Variants in DHX9 observed in about 807,000 individuals in gnomAD.
The protein encoded by DHX9 is DExH-box helicase 9.
DHX9 carries 27 observed loss-of-function variants against 148.7 expected under a neutral mutation model. The observed-to-expected ratio is 0.18, with a 90% confidence interval of 0.13 to 0.25. The LOEUF is 0.25. Among genes scored for constraint, DHX9 ranks in the 10% least tolerant of loss-of-function variants. The probability of loss-of-function intolerance (pLI) is 1.00; values close to 1 mark genes in which losing one functional copy is unlikely to be tolerated. For synonymous variants in DHX9, 529 were observed against 516.6 expected, an observed-to-expected ratio of 1.02 and a Z score of -0.33; for missense variants, 796 against 1,559.6, an observed-to-expected ratio of 0.51 and a Z score of 8.25.
chr1:182,869,351 C>T (rs1194730325), intron 14 of DHX9, among the ~76,000 whole-genome samples: 1 of 152,048 alleles, frequency 6.6e-6, no homozygotes, highest in Non-Finnish European at 1.5e-5. Flanking sequence ...CTTGTCCAGT[C>T]CTGTCTGGTC....
chr1:182,861,887 G>C (rs1027324869), intron 12 of DHX9, among the ~76,000 whole-genome samples: 2 of 152,082 alleles, frequency 1.3e-5, no homozygotes, highest in Non-Finnish European at 2.9e-5. Context: ...TTGTGTCCTA[G>C]TATGTACTTA....
Position 182,854,014 on chromosome 1 carries a change from A to G in DHX9, c.478-16A>G, listed in dbSNP as rs781090885. ...AAACTTAACACAGCCAAATTTAATTATCATTGATTCTACAGACTCTAGAAT... is the reference window on the plus strand; with the variant it reads ...AAACTTAACACAGCCAAATTTAATTGTCATTGATTCTACAGACTCTAGAAT... On this transcript the variant is annotated splice_polypyrimidine_tract_variant and intron_variant, in intron 5 of 27. Transcript: ENST00000367549. The G allele has an allele frequency of 5.0e-6, 8 of 1,605,288 alleles. No individual in the cohort carries two copies. Among genetic ancestry groups the G allele is most frequent in the Non-Finnish European group, 6.8e-6 (8 of 1,177,940 alleles).
At position 182,849,982 on chromosome 1, in the gene DHX9, A is replaced by ACCC. The variant is rs11465005; in HGVS notation, c.253-2243_253-2241dup. Among the ~76,000 whole-genome samples the ACCC allele has an allele frequency of 3.9e-3, 481 of 123,884 alleles. 10 individuals are homozygous for ACCC. Among genetic ancestry groups the ACCC allele is most frequent in the African/African-American group, 0.014 (402 of 29,518 alleles). 81.3% of individuals were successfully genotyped at this position (123,884 alleles called of 152,430 possible). ...GGTTCATTGTAAAGTGTACACACGT[A>ACCC]CCCCCCCCCCTTTTTTTTTTAATTT... is the stretch of plus-strand genomic sequence containing the variant. On this transcript the variant is annotated intron_variant, in intron 3 of 27. Transcript: ENST00000367549.
At chr1:182,840,951 A>C (rs577659643) in intron 1 of DHX9, among the ~76,000 whole-genome samples, 1 of 152,146 alleles carries the variant, frequency 6.6e-6, no homozygotes, top group Admixed American at 6.5e-5. Flanking sequence ...TTAGCATGCA[A>C]ATGGGTGAGT....
chr1:182,858,566 G>C lies in DHX9; in HGVS notation c.826G>C (p.Val276Leu). The C allele has an allele frequency of 6.2e-7, 1 of 1,610,188 alleles. No homozygotes were observed. Among genetic ancestry groups the C allele is most frequent in the African/African-American group, 1.3e-5 (1 of 74,856 alleles). ...TTTTCCATAGGTGGAGCCTTACAAAGTAAACCTCTCTCAAGATTTAGAGCA... is the reference window on the plus strand; with the variant it reads ...TTTTCCATAGGTGGAGCCTTACAAACTAAACCTCTCTCAAGATTTAGAGCA... ...KEGETVEPYK[V>L]NLSQDLEHQL... The change falls in exon 9 of 28, where the codon GTA becomes CTA. Residue 276 changes from valine to leucine, a missense_variant. Physicochemically the swap from Val to Leu is conservative, Grantham distance 32. Transcript: ENST00000367549.
At chr1:182,866,917 A>G (rs761785757) in intron 13 of DHX9, 44 bp from the exon 14 acceptor site, 4 of 1,447,220 alleles carry the variant, frequency 2.8e-6, no homozygotes, top group Non-Finnish European at 3.8e-6. Flanking sequence ...TAGATTTACT[A>G]CTTTGAACTT....
chr1:182,868,962 A>G (rs779648819), intron 14 of DHX9, among the ~76,000 whole-genome samples: 1 of 152,154 alleles, frequency 6.6e-6, no homozygotes, highest in Non-Finnish European at 1.5e-5. Context: ...TGGAAACTTT[A>G]TAGGTTTTTC....
intron 1 of DHX9, 117 bp from the exon 2 acceptor site, chr1:182,842,428 T>G (rs1667949893): frequency 1.7e-6 from 1 of 571,756 alleles, no homozygotes; most frequent in Non-Finnish European, 3.1e-6. Flanking sequence ...TGGGGAGTCT[T>G]AATAGCAACA....
intron 15 of DHX9, 152 bp from the exon 16 acceptor site, chr1:182,874,702 A>C: frequency 1.6e-6 from 1 of 631,702 alleles, no homozygotes; most frequent in Non-Finnish European, 2.8e-6. Context: ...TTAGGAAAAT[A>C]AGGTTATTGC....
At chr1:182,877,760 T>C (rs1161159043) in intron 19 of DHX9, 11 of 387,386 alleles carry the variant, frequency 2.8e-5, no homozygotes, top group Non-Finnish European at 5.1e-5. Context: ...AAAAAAACTA[T>C]AAGGTAGATA....
In DHX9 at chr1:182,860,173, G is replaced by A. The variant is rs1571307035; in HGVS notation, c.1321G>A (p.Val441Ile). 2 of 1,597,598 alleles carry A rather than the reference G, an allele frequency of 1.3e-6. No homozygotes were observed. The highest frequency in any genetic ancestry group is 2.3e-5 in the East Asian group (1 of 43,822). Residue 441 changes from valine to isoleucine, a missense_variant, in exon 12 of 28, where the codon GTA becomes ATA. Physicochemically the swap from Val to Ile is conservative, Grantham distance 29. Around this residue, in one of 14 missense-constraint regions of DHX9, gnomAD observed 58 missense variants for 122.8 expected, o/e 0.47. Transcript: ENST00000367549. ...TGACCGAGCAGCAGAGTGTAACATC[G>A]TAGTAACTCAGGTAAGTGGTAAACC... ...QNDRAAECNIVVTQPRRISAV... is the reference protein window; with the variant it reads ...QNDRAAECNIIVTQPRRISAV...
intron 27 of DHX9, among the ~76,000 whole-genome samples, chr1:182,886,595 AGTT>A (rs1345589680): frequency 6.6e-6 from 1 of 152,160 alleles, no homozygotes; most frequent in African/African-American, 2.4e-5. Flanking sequence ...GTTTAATTGA[AGTT>A]GTTGACAGTC....
intron 15 of DHX9, among the ~76,000 whole-genome samples, chr1:182,873,612 G>A (rs572306875): frequency 2.6e-5 from 4 of 152,308 alleles, no homozygotes; most frequent in East Asian, 3.9e-4. Context: ...AGATCAGTAC[G>A]AACGTGTGTT....
chr1:182,858,225 G>A lies in DHX9; in HGVS notation c.795G>A (p.Lys265=). Residue 265 remains lysine (K), a synonymous_variant, in exon 8 of 28, where the codon AAG becomes AAA. Transcript: ENST00000367549. The part of the protein sequence containing the change: ...VVEAYSGLTK[K]KEGETVEPYK... ...AAGCTTACTCCGGACTTACAAAGAAGAAGGAAGGAGAGACAGTGAGTCTTT... is the reference window on the plus strand; with the variant it reads ...AAGCTTACTCCGGACTTACAAAGAAAAAGGAAGGAGAGACAGTGAGTCTTT... 1 of 1,613,618 alleles carries A rather than the reference G, an allele frequency of 6.2e-7. No individual in the cohort carries two copies. Among genetic ancestry groups the A allele is most frequent in the Non-Finnish European group, 8.5e-7 (1 of 1,179,892 alleles).
chr1:182,883,879 CTG>C (rs1649202319), intron 26 of DHX9, among the ~76,000 whole-genome samples: 1 of 152,236 alleles, frequency 6.6e-6, no homozygotes, highest in East Asian at 1.9e-4. Flanking sequence ...TTCACATACT[CTG>C]TATATTGATT....
intron 16 of DHX9, 112 bp from the exon 17 acceptor site, chr1:182,875,938 A>G (rs2102615662): frequency 5.0e-6 from 4 of 807,296 alleles, no homozygotes; most frequent in East Asian, 2.6e-5. Context: ...TGACTAGTCA[A>G]CTAGAATAAA....
intron 1 of DHX9, among the ~76,000 whole-genome samples, 189 bp from the exon 2 acceptor site, chr1:182,842,356 A>C (rs1237212168): frequency 1.3e-5 from 2 of 152,160 alleles, no homozygotes; most frequent in Non-Finnish European, 2.9e-5. Flanking sequence ...AGTTCAAATC[A>C]TACCGTTTTG....
At chr1:182,860,266 TTTAAGA>T (rs1668336303) in intron 12 of DHX9, 82 bp downstream of exon 12, 1 of 1,190,164 alleles carries the variant, frequency 8.4e-7, no homozygotes, top group African/African-American at 1.6e-5. Flanking sequence ...TTTGTAATTA[TTTAAGA>T]TTGAGAGAGC....
chr1:182,872,300 A>C, intron 14 of DHX9, 37 bp from the exon 15 acceptor site: 1 of 1,572,198 alleles, frequency 6.4e-7, no homozygotes, highest in Non-Finnish European at 8.7e-7. Flanking sequence ...TATAAACTTA[A>C]TGTAATTTCA....
Sources: gnomAD v4.1 joint callset for allele counts (sites outside exome capture counted in the v4.1 genomes callset) on GRCh38, gnomAD v4.1.1 for gene constraint, gnomAD v4.1.1 regional missense constraint, MANE v1.5 for transcripts, NCBI Gene and HGNC (gene_info 2026-07-23, HGNC 2026-07-21) for gene names.